ATP2A3: variants seen among roughly 807,000 people sequenced by gnomAD.
ATP2A3 encodes the protein ATPase sarcoplasmic/endoplasmic reticulum Ca2+ transporting 3.
ATP2A3 carries 61 observed loss-of-function variants against 106.8 expected under a neutral mutation model. The observed-to-expected ratio is 0.57, with a 90% CI of 0.46 to 0.71. The LOEUF is 0.71. ATP2A3 is among the 30% of genes least tolerant of loss of function. The probability of loss-of-function intolerance (pLI) is 0.00; values close to 1 mark genes in which losing one functional copy is unlikely to be tolerated. For synonymous variants in ATP2A3, 611 were observed against 609.3 expected (o/e 1.00, Z -0.04); for missense variants, 1,201 against 1,423.5 (o/e 0.84, Z 2.52).
Position 3,953,564 on chromosome 17 carries a change from G to T in ATP2A3, c.136+129C>A. The T allele has an allele frequency of 6.7e-7, 1 of 1,484,336 alleles. No homozygotes were observed. The highest frequency in any genetic ancestry group is 9.2e-7 in the Non-Finnish European group (1 of 1,082,056). 91.9% of individuals were successfully genotyped at this position (1,484,336 alleles called of 1,614,324 possible). A position where few individuals can be genotyped will look rare whatever the true frequency, so the allele number is the denominator to read the frequency against. On this transcript the variant is annotated intron_variant, in intron 2 of 20. Transcript: ENST00000397041. This position sits in a 1 kb window ranked among gnomAD's most constrained non-coding sequence, Gnocchi z 5.1. Reference sequence around the variant, plus strand: ...GAGGGAGAACCCAGGTCGCTGAGAGGCTCAGGTGGGTGATCCTGGGGAGCT... The same window carrying T: ...GAGGGAGAACCCAGGTCGCTGAGAGTCTCAGGTGGGTGATCCTGGGGAGCT...
chr17:3,944,913 C>T (rs1412491949), intron 9 of ATP2A3, 107 bp from the exon 10 acceptor site: 34 of 1,249,422 alleles, frequency 2.7e-5, no homozygotes, highest in Non-Finnish European at 3.1e-5. Context: ...GCCCCGCCCC[C>T]AGAAGGGCTC....
rs2052969437 is a variant in ATP2A3, at chr17:3,930,082, C to A, written c.2744+219G>T. Among the ~76,000 whole-genome samples, 1 of 151,830 alleles carries A rather than the reference C, an allele frequency of 6.6e-6. No homozygotes were observed. Among genetic ancestry groups the A allele is most frequent in the Non-Finnish European group, 1.5e-5 (1 of 67,928 alleles). On this transcript the variant is annotated intron_variant, in intron 18 of 20. Transcript: ENST00000397041. The surrounding 1 kb of genome is among the most constrained non-coding windows in gnomAD (Gnocchi z 5.4). Reference sequence around the variant, plus strand: ...CCTGAACCCCCCAAACATCAGACCCCAATCTTGGACCCTCTTGACCCACAG... The same window carrying A: ...CCTGAACCCCCCAAACATCAGACCCAAATCTTGGACCCTCTTGACCCACAG...
rs144541342 is a variant in ATP2A3 at position 3,927,190 on chromosome 17, G to A, written c.2980+1473C>T. On this transcript the variant is annotated intron_variant, in intron 20 of 20. Transcript: ENST00000397041. The stretch of plus-strand genomic sequence containing the variant: ...CAGCCCTCCTAGCCTGTCCCCTCCC[G>A]CTAGGACCCTCCCGCTCTTTAGGCC... 8.6e-4 allele frequency: 843 copies of A among 985,338 alleles called. 20 individuals are homozygous for A. The East Asian group carries it at 0.058, about 68-fold the overall frequency. 61.0% of individuals were successfully genotyped at this position (985,338 alleles called of 1,614,324 possible).
rs191940177 is a variant in ATP2A3 at position 3,936,957 on chromosome 17, G to A, written c.2321+459C>T. The A allele has an allele frequency of 9.3e-6, 3 of 322,910 alleles. No homozygotes were observed. The highest frequency in any genetic ancestry group is 5.5e-5 in the South Asian group (2 of 36,312). 20.0% of individuals were successfully genotyped at this position (322,910 alleles called of 1,614,324 possible). A position where few individuals can be genotyped will look rare whatever the true frequency, so the allele number is the denominator to read the frequency against. On this transcript the variant is annotated intron_variant, in intron 15 of 20. Coordinates refer to ENST00000397041, the MANE Select transcript of ATP2A3 (RefSeq NM_005173.4). The surrounding 1 kb of genome is among the most constrained non-coding windows in gnomAD (Gnocchi z 5.4). ...AATACGAGTGTGTGCACAGTCACAC[G>A]CCGGCACAAATCCTTCTGCTTGTAC... is the stretch of plus-strand genomic sequence containing the variant.
intron 1 of ATP2A3, 111 bp downstream of exon 1, chr17:3,964,063 G>C: frequency 1.9e-6 from 1 of 528,464 alleles, no homozygotes; most frequent in Non-Finnish European, 2.5e-6. Context: ...AGAGGTTTCC[G>C]GAGCCCTCGC....
chr17:3,931,816 C>T (rs904527085), intron 17 of ATP2A3, among the ~76,000 whole-genome samples: 3 of 152,104 alleles, frequency 2.0e-5, no homozygotes, highest in Admixed American at 6.5e-5. Flanking sequence ...CCACCGCGCC[C>T]GGCCATGGAG....
At chr17:3,943,655 G>C in intron 10 of ATP2A3, 133 bp from the exon 11 acceptor site, 1 of 1,420,478 alleles carries the variant, frequency 7.0e-7, no homozygotes, top group Non-Finnish European at 9.7e-7. Flanking sequence ...CGGCCCGTGA[G>C]CCCTTCCCAG....
Position 3,924,503 on chromosome 17 carries a change from G to T in ATP2A3, c.*919C>A. 3.2e-6 allele frequency: 1 copy of T among 316,144 alleles called. No homozygotes were observed. The highest frequency in any genetic ancestry group is 6.3e-6 in the Non-Finnish European group (1 of 158,536). 19.6% of individuals were successfully genotyped at this position (316,144 alleles called of 1,614,324 possible). The stretch of plus-strand genomic sequence containing the variant: ...AGAGGCCCCCAGCTGTGCAGACAGC[G>T]CGGCGGCCGCACACTGGGCTGGGTA... On this transcript the variant is annotated 3_prime_UTR_variant, in exon 21 of 21. Coordinates refer to ENST00000397041, the MANE Select transcript of ATP2A3 (RefSeq NM_005173.4). This position sits in a 1 kb window ranked among gnomAD's most constrained non-coding sequence, Gnocchi z 6.4.
Position 3,953,673 on chromosome 17 carries a change from C to T in ATP2A3, c.136+20G>A. The T allele has an allele frequency of 3.8e-6, 6 of 1,561,782 alleles. No individual in the cohort carries two copies. The highest frequency in any genetic ancestry group is 5.2e-6 in the Non-Finnish European group (6 of 1,152,734). ...GGATGCTGCCCGCGGCCTAGAGGTC[C>T]ATCCCGGTGCCAGCCTCACCTTCCT... is the stretch of plus-strand genomic sequence containing the variant. On this transcript the variant is annotated intron_variant, in intron 2 of 20. Transcript: ENST00000397041. This position sits in a 1 kb window ranked among gnomAD's most constrained non-coding sequence, Gnocchi z 5.1.
chr17:3,956,641 T>C (rs543159824), intron 1 of ATP2A3, among the ~76,000 whole-genome samples: 33 of 152,328 alleles, frequency 2.2e-4, no homozygotes, highest in South Asian at 6.2e-4. Flanking sequence ...TGGTGTCTGC[T>C]CCATCGACCT....
At chr17:3,945,348 C>G in intron 8 of ATP2A3, 200 bp from the exon 9 acceptor site, 2 of 515,918 alleles carry the variant, frequency 3.9e-6, no homozygotes. Flanking sequence ...CAGATGTGTC[C>G]GGCTCCGGTT....
chr17:3,929,490 G>A lies in ATP2A3; in HGVS notation c.2745-45C>T, dbSNP rs371236139. On this transcript the variant is annotated intron_variant, in intron 18 of 20. Coordinates refer to ENST00000397041, the MANE Select transcript of ATP2A3 (RefSeq NM_005173.4). The surrounding 1 kb of genome is among the most constrained non-coding windows in gnomAD (Gnocchi z 4.3). ...TCCCCTTAGGCCGGGGTGCAGGGAG[G>A]CCCTGCCAGGCACCCACCCCCATGG... 3.3e-6 allele frequency: 5 copies of A among 1,495,978 alleles called. No individual in the cohort carries two copies. The highest frequency in any genetic ancestry group is 1.4e-5 in the African/African-American group (1 of 71,882). 92.7% of individuals were successfully genotyped at this position (1,495,978 alleles called of 1,614,324 possible). A position where few individuals can be genotyped will look rare whatever the true frequency, so the allele number is the denominator to read the frequency against.
chr17:3,942,571 G>A (rs756916027), intron 12 of ATP2A3, 35 bp downstream of exon 12: 26 of 1,602,542 alleles, frequency 1.6e-5, no homozygotes, highest in Admixed American at 1.3e-4. Flanking sequence ...TCCCCAGGGC[G>A]CGCAGGGGCC....
intron 20 of ATP2A3, chr17:3,927,632 A>T: frequency 2.0e-6 from 2 of 985,050 alleles, no homozygotes; most frequent in Non-Finnish European, 2.4e-6. Flanking sequence ...AGAACCAGAC[A>T]GGGGGCAGAA....
Position 3,953,231 on chromosome 17 carries a change from GCAGGCCCAGGGTGTGGAGGA to G in ATP2A3, c.219+96_219+115del. 1 of 1,192,518 alleles carries G rather than the reference GCAGGCCCAGGGTGTGGAGGA, an allele frequency of 8.4e-7. No individual in the cohort carries two copies. Among genetic ancestry groups the G allele is most frequent in the Non-Finnish European group, 1.3e-6 (1 of 799,986 alleles). The allele number at this position is 1,192,518 out of a possible 1,614,324, so 73.9% of individuals were successfully genotyped here. On this transcript the variant is annotated intron_variant, in intron 3 of 20. Coordinates refer to ENST00000397041, the MANE Select transcript of ATP2A3 (RefSeq NM_005173.4). The surrounding 1 kb of genome is among the most constrained non-coding windows in gnomAD (Gnocchi z 5.1). ...GGGCAGGGCCAGGGAAGGCCAGGGC[GCAGGCCCAGGGTGTGGAGGA>G]CAGGCCCAGGCTCCAGGACCTCGGA...
intron 1 of ATP2A3, among the ~76,000 whole-genome samples, chr17:3,959,771 C>A (rs2055037121): frequency 6.6e-6 from 1 of 152,226 alleles, no homozygotes; most frequent in African/African-American, 2.4e-5. Context: ...AGAGTGGACA[C>A]CTGACCTTGC....
In ATP2A3 at chr17:3,925,459, G is replaced by A. The variant is rs2052651268; in HGVS notation, c.2981-18C>T. ...CATTTCTTCTGGAAGAAAAACCCAA[G>A]AGCGCGTTAAGATGTATGTGTAAGG... On this transcript the variant is annotated intron_variant, in intron 20 of 20. Coordinates refer to ENST00000397041, the MANE Select transcript of ATP2A3 (RefSeq NM_005173.4). The surrounding 1 kb of genome is among the most constrained non-coding windows in gnomAD (Gnocchi z 4.2). 3.7e-6 allele frequency: 6 copies of A among 1,611,294 alleles called. No individual in the cohort carries two copies. The highest frequency in any genetic ancestry group is 5.1e-6 in the Non-Finnish European group (6 of 1,179,088).
In ATP2A3 at chr17:3,950,509, AC is replaced by A; in HGVS notation, c.630+1del. 6.2e-7 allele frequency: 1 copy of A among 1,613,864 alleles called. No individual in the cohort carries two copies. On this transcript the variant is annotated splice_donor_variant, in intron 7 of 20. Transcript: ENST00000397041. LOFTEE classifies it high-confidence loss of function. ...GGCAAAGGCCCCAGACATTTGACTT[AC>A]AGAAAACAGCATGTTCTTCTTGTCC...
In ATP2A3 at chr17:3,928,279, C is replaced by T. The variant is rs2052830728; in HGVS notation, c.2980+384G>A. The T allele has an allele frequency of 6.2e-7, 1 of 1,613,280 alleles. No homozygotes were observed. Among genetic ancestry groups the T allele is most frequent in the South Asian group, 1.1e-5 (1 of 91,088 alleles). On this transcript the variant is annotated intron_variant, in intron 20 of 20. Transcript: ENST00000397041. The surrounding 1 kb of genome is among the most constrained non-coding windows in gnomAD (Gnocchi z 6.1). ...GGTCCAAGAGGTGGTCAGCGGCTGC[C>T]TACTCCAGGCCTGCGAGACTGTCCT...
Sources: allele counts gnomAD v4.1 joint callset (sites outside exome capture counted in the v4.1 genomes callset), GRCh38; gene constraint gnomAD v4.1.1; non-coding constraint Gnocchi (gnomAD v3.1); transcripts MANE v1.5; gene names NCBI Gene and HGNC (gene_info 2026-07-23, HGNC 2026-07-21).